ARRB1: variants seen among roughly 807,000 people sequenced by gnomAD.
ARRB1 encodes the protein arrestin beta 1.
ARRB1 carries 21 observed loss-of-function variants against 56.8 expected under a neutral mutation model. The ratio of observed to expected loss-of-function variants is 0.37; its 90% CI spans 0.26 to 0.53. The LOEUF is 0.53. ARRB1 is among the 20% of genes least tolerant of loss of function. The pLI is 0.88. For synonymous variants in ARRB1, 210 were observed against 218.6 expected (o/e 0.96, Z 0.35); for missense variants, 424 against 553.7 (o/e 0.77, Z 2.35).
At chr11:75,328,076 C>T (rs1263366421) in intron 1 of ARRB1, among the ~76,000 whole-genome samples, 1 of 152,250 alleles carries the variant, frequency 6.6e-6, no homozygotes, top group Non-Finnish European at 1.5e-5. Context: ...AAACCCCTTA[C>T]TCACTATGTA....
intron 1 of ARRB1, among the ~76,000 whole-genome samples, chr11:75,340,824 C>T (rs1369157177): frequency 6.6e-6 from 1 of 152,190 alleles, no homozygotes; most frequent in African/African-American, 2.4e-5. Flanking sequence ...CACAACCGCC[C>T]CCAGCTTCCT....
chr11:75,339,806 G>C (rs954827073), intron 1 of ARRB1, among the ~76,000 whole-genome samples: 4 of 152,218 alleles, frequency 2.6e-5, no homozygotes, highest in Admixed American at 6.5e-5. Flanking sequence ...CCGGGGTGTG[G>C]CACAGAGAGA....
chr11:75,297,174 T>G (rs1276696814), intron 1 of ARRB1, among the ~76,000 whole-genome samples: 1 of 152,106 alleles, frequency 6.6e-6, no homozygotes, highest in Non-Finnish European at 1.5e-5. Context: ...ATGTAATCTT[T>G]ATCAAATCGT....
intron 4 of ARRB1, 21 bp from the exon 5 acceptor site, chr11:75,283,504 T>C: frequency 6.3e-7 from 1 of 1,583,374 alleles, no homozygotes; most frequent in Non-Finnish European, 8.6e-7. Flanking sequence ...CGAGGAGCAC[T>C]GAGGAGGGGC....
In ARRB1 at chr11:75,262,709, C is replaced by T. The variant is rs1024444340; in HGVS notation, c.*3454G>A. ...ATTTTACAGTTAGGGAAATTGAGCC[C>T]CAGAGGTTGAGTAGCTTGCCCAAGC... On this transcript the variant is annotated 3_prime_UTR_variant, in exon 16 of 16. Transcript: ENST00000420843. Among the ~76,000 whole-genome samples the T allele has an allele frequency of 6.6e-6, 1 of 152,160 alleles. No individual in the cohort carries two copies. Among genetic ancestry groups the T allele is most frequent in the Non-Finnish European group, 1.5e-5 (1 of 68,030 alleles).
chr11:75,325,131 G>A (rs1252588978), intron 1 of ARRB1, among the ~76,000 whole-genome samples: 1 of 152,168 alleles, frequency 6.6e-6, no homozygotes, highest in Non-Finnish European at 1.5e-5. Flanking sequence ...GGCAGTGGGG[G>A]AGGTGCCAAC....
chr11:75,302,310 C>T (rs540302481), intron 1 of ARRB1, among the ~76,000 whole-genome samples: 52 of 152,300 alleles, frequency 3.4e-4, no homozygotes, highest in African/African-American at 1.2e-3. Context: ...ACTTCTTTGG[C>T]CATGAAGCAT....
In ARRB1 at chr11:75,344,750, C is replaced by T. The variant is rs112923264; in HGVS notation, c.20+6838G>A. 5.4e-3 allele frequency among the ~76,000 whole-genome samples: 816 copies of T among 152,234 alleles called. 16 individuals carry two copies. The highest frequency in any genetic ancestry group is 0.019 in the African/African-American group (770 of 41,532). ...CCCAGGGCTCATGTGGGAGACAAGGCCCCAACTTCAGGAGCCCCCAGTGTG... is the reference window on the plus strand; with the variant it reads ...CCCAGGGCTCATGTGGGAGACAAGGTCCCAACTTCAGGAGCCCCCAGTGTG... On this transcript the variant is annotated intron_variant, in intron 1 of 15. Transcript: ENST00000420843.
intron 1 of ARRB1, chr11:75,303,809 C>T: frequency 7.3e-6 from 3 of 408,930 alleles, no homozygotes; most frequent in South Asian, 1.7e-5. Flanking sequence ...TCCTGCTGGC[C>T]CCTGAGCATC....
chr11:75,326,364 GTAGTACT>G (rs946026387), intron 1 of ARRB1, among the ~76,000 whole-genome samples: 2 of 152,168 alleles, frequency 1.3e-5, no homozygotes, highest in African/African-American at 4.8e-5. Context: ...CAGCTAACAC[GTAGTACT>G]TACTTTGTGC....
At chr11:75,305,018 CTTTTTTTTTT>C (rs35323331) in intron 1 of ARRB1, among the ~76,000 whole-genome samples, 1 of 86,732 alleles carries the variant, frequency 1.2e-5, no homozygotes, top group South Asian at 4.1e-4. Context: ...TTCTTTCTTT[CTTTTTTTTTT>C]TTTTTTTTTT....
At position 75,287,298 on chromosome 11, in the gene ARRB1, G is replaced by A. The variant is rs35056173; in HGVS notation, c.112+17C>T. ...CACATCTTCCCCCAGCCCTCCTCTC[G>A]CCCTCCAGGGACTCACCCACAGGGT... On this transcript the variant is annotated intron_variant, in intron 3 of 15. Transcript: ENST00000420843. 4.5e-6 allele frequency: 7 copies of A among 1,548,410 alleles called. No individual in the cohort carries two copies. The highest frequency in any genetic ancestry group is 4.9e-5 in the East Asian group (2 of 40,836).
At chr11:75,311,924 G>T (rs931683870) in intron 1 of ARRB1, 1 of 722,576 alleles carries the variant, frequency 1.4e-6, no homozygotes, top group Admixed American at 2.6e-5. Flanking sequence ...GTCAGAAGGG[G>T]CTGGCTGAGA....
At position 75,295,265 on chromosome 11, in the gene ARRB1, T is replaced by TATCTTATA. The variant is rs1401995705; in HGVS notation, c.21-5234_21-5227dup. Among the ~76,000 whole-genome samples, 15 of 149,068 alleles carry TATCTTATA rather than the reference T, an allele frequency of 1.0e-4. 1 individual carries two copies. Among genetic ancestry groups the TATCTTATA allele is most frequent in the African/African-American group, 3.7e-4 (15 of 40,238 alleles). On this transcript the variant is annotated intron_variant, in intron 1 of 15. Transcript: ENST00000420843. The stretch of plus-strand genomic sequence containing the variant: ...AAAAAAACACACACACCCAACATAT[T>TATCTTATA]ATCTTATAGTTTGGTAGTTCAGAAA...
At chr11:75,276,817 G>A (rs938723140) in intron 10 of ARRB1, 22 bp downstream of exon 10, 9 of 1,613,404 alleles carry the variant, frequency 5.6e-6, no homozygotes, top group Non-Finnish European at 6.8e-6. Flanking sequence ...ATACGCCCAA[G>A]GCCAGACTTG....
intron 1 of ARRB1, among the ~76,000 whole-genome samples, chr11:75,336,638 G>A (rs1947607398): frequency 6.6e-6 from 1 of 152,140 alleles, no homozygotes; most frequent in Admixed American, 6.5e-5. Context: ...AGGAAAATTG[G>A]GATGGCTGAC....
At chr11:75,340,086 G>T (rs971169662) in intron 1 of ARRB1, among the ~76,000 whole-genome samples, 1 of 152,260 alleles carries the variant, frequency 6.6e-6, no homozygotes, top group Non-Finnish European at 1.5e-5. Context: ...TTCGGGACAT[G>T]CCTTGAGTGG....
chr11:75,343,876 C>T (rs1044859833), intron 1 of ARRB1, among the ~76,000 whole-genome samples: 1 of 151,764 alleles, frequency 6.6e-6, no homozygotes, highest in East Asian at 1.9e-4. Flanking sequence ...AGTGCAGTGG[C>T]GTGATCTCGG....
chr11:75,288,433 G>A (rs1241103062), intron 2 of ARRB1, among the ~76,000 whole-genome samples: 2 of 151,888 alleles, frequency 1.3e-5, no homozygotes, highest in East Asian at 3.9e-4. Context: ...ATCCTGATGT[G>A]TGCTGTTCCT....
Sources: allele counts gnomAD v4.1 joint callset (sites outside exome capture counted in the v4.1 genomes callset), GRCh38; gene constraint gnomAD v4.1.1; transcripts MANE v1.5; gene names NCBI Gene and HGNC (gene_info 2026-07-23, HGNC 2026-07-21).